LRRC7: variants seen among roughly 807,000 people sequenced by gnomAD.
LRRC7 encodes the protein leucine-rich repeat-containing protein 7.
LRRC7 carries 23 observed loss-of-function variants against 175.7 expected under a neutral mutation model. The observed-to-expected ratio is 0.13, with a 90% CI of 0.09 to 0.19. LRRC7 has a LOEUF of 0.19. Among genes scored for constraint, LRRC7 ranks in the 10% least tolerant of loss-of-function variants. The probability of loss-of-function intolerance (pLI) is 1.00; values close to 1 mark genes in which losing one functional copy is unlikely to be tolerated. For synonymous variants in LRRC7, 685 were observed against 680.9 expected, an observed-to-expected ratio of 1.01 and a Z score of -0.09; for missense variants, 1,354 against 1,904.7, an observed-to-expected ratio of 0.71 and a Z score of 5.38.
At chr1:69,574,222 A>T (rs1749459) in intron 1 of LRRC7, among the ~76,000 whole-genome samples, 22,890 of 152,078 alleles carry the variant, frequency 0.15, 1,907 homozygotes, top group Admixed American at 0.19. Flanking sequence ...GAGGTAGCTG[A>T]CCTTAAAACA....
chr1:69,678,261 A>C (rs1253221078), intron 1 of LRRC7, 120 bp from the exon 2 acceptor site: 4 of 676,980 alleles, frequency 5.9e-6, no homozygotes, highest in Non-Finnish European at 1.0e-5. Flanking sequence ...TCCTTGCCGG[A>C]TCATCTTCAT....
intron 2 of LRRC7, among the ~76,000 whole-genome samples, chr1:69,711,830 G>A (rs78259759): frequency 0.029 from 4,440 of 152,228 alleles, 85 homozygotes; most frequent in South Asian, 0.057. Flanking sequence ...ACTTTTAACC[G>A]TACTTTCCAC....
intron 7 of LRRC7, among the ~76,000 whole-genome samples, chr1:69,925,714 C>T (rs949696959): frequency 1.3e-4 from 20 of 152,150 alleles, no homozygotes; most frequent in African/African-American, 2.4e-4. Flanking sequence ...GTCTTGCTAG[C>T]GGTCTATCAA....
At chr1:69,603,361 C>A (rs1035342081) in intron 1 of LRRC7, among the ~76,000 whole-genome samples, 1 of 152,154 alleles carries the variant, frequency 6.6e-6, no homozygotes, top group Admixed American at 6.6e-5. Context: ...ATCCTGGTGA[C>A]ATTTGGTAAT....
intron 7 of LRRC7, among the ~76,000 whole-genome samples, chr1:69,929,401 T>G (rs1333737075): frequency 6.6e-6 from 1 of 152,198 alleles, no homozygotes; most frequent in Non-Finnish European, 1.5e-5. Context: ...CCACTTGGTC[T>G]TCCTCATCAG....
At chr1:70,066,363 A>G (rs1393047022) in intron 23 of LRRC7, among the ~76,000 whole-genome samples, 4 of 152,046 alleles carry the variant, frequency 2.6e-5, no homozygotes, top group African/African-American at 9.7e-5. Context: ...ATTTGACTCC[A>G]AAGACTATGT....
intron 1 of LRRC7, among the ~76,000 whole-genome samples, chr1:69,678,062 AATCAC>A (rs1660017508): frequency 6.6e-6 from 1 of 152,086 alleles, no homozygotes; most frequent in Non-Finnish European, 1.5e-5. Flanking sequence ...CCTACCTTCA[AATCAC>A]ACTGGGGGCT....
At chr1:69,692,821 CTA>C (rs1265194031) in intron 2 of LRRC7, among the ~76,000 whole-genome samples, 8 of 152,058 alleles carry the variant, frequency 5.3e-5, no homozygotes, top group African/African-American at 1.9e-4. Context: ...CCAGGTGTGT[CTA>C]TGCGAATGTT....
intron 1 of LRRC7, among the ~76,000 whole-genome samples, chr1:69,652,797 C>A (rs968790182): frequency 2.0e-5 from 3 of 151,852 alleles, no homozygotes; most frequent in Non-Finnish European, 4.4e-5. Context: ...GACATATAGA[C>A]CAATGGAACA....
intron 1 of LRRC7, among the ~76,000 whole-genome samples, chr1:69,639,807 G>T (rs575954891): frequency 6.6e-6 from 1 of 151,634 alleles, no homozygotes; most frequent in East Asian, 1.9e-4. Context: ...ACCTACAAAT[G>T]CAAAAACCAA....
intron 3 of LRRC7, among the ~76,000 whole-genome samples, chr1:69,766,627 T>C (rs1443291923): frequency 6.6e-6 from 1 of 152,178 alleles, no homozygotes; most frequent in Non-Finnish European, 1.5e-5. Flanking sequence ...GTGTCTTCAT[T>C]TGATGCTGCT....
intron 3 of LRRC7, among the ~76,000 whole-genome samples, chr1:69,781,924 G>GAAAAAGAA (rs1553155325): frequency 1.4e-5 from 2 of 139,352 alleles, no homozygotes; most frequent in African/African-American, 5.7e-5. Flanking sequence ...AAGAAAGAAA[G>GAAAAAGAA]AAAGAAAGAA....
intron 8 of LRRC7, among the ~76,000 whole-genome samples, chr1:69,940,526 T>C (rs1648603026): frequency 6.6e-6 from 1 of 152,028 alleles, no homozygotes; most frequent in Admixed American, 6.6e-5. Context: ...GAAGGGGGAA[T>C]AATGTGTAAA....
At chr1:69,647,764 A>G (rs929001861) in intron 1 of LRRC7, among the ~76,000 whole-genome samples, 1 of 152,090 alleles carries the variant, frequency 6.6e-6, no homozygotes, top group Non-Finnish European at 1.5e-5. Context: ...ATGTTTCTTA[A>G]TATTTCTCTC....
At chr1:69,740,700 G>A (rs1668616979) in intron 2 of LRRC7, among the ~76,000 whole-genome samples, 1 of 152,070 alleles carries the variant, frequency 6.6e-6, no homozygotes, top group South Asian at 2.1e-4. Context: ...TCAGCGATTG[G>A]CACAGGTGTG....
intron 7 of LRRC7, among the ~76,000 whole-genome samples, chr1:69,905,334 GC>G (rs771531153): frequency 1.6e-3 from 240 of 151,988 alleles, no homozygotes; most frequent in Middle Eastern, 3.4e-3. Context: ...GTATACATGT[GC>G]CATGTTGGTG....
Position 70,013,000 on chromosome 1 carries a change from C to A in LRRC7, c.1161C>A (p.Val387=). Residue 387 remains valine, a synonymous_variant, in exon 13 of 27, where the codon GTC becomes GTA. Transcript: ENST00000651989. ...TTGGAAGTTGTAAGAATGTAACAGT[C>A]ATGTCTCTACGCTCCAACAAATTAG... ...REIGSCKNVT[V]MSLRSNKLEF... 6.4e-7 allele frequency: 1 copy of A among 1,571,048 alleles called. No homozygotes were observed. The highest frequency in any genetic ancestry group is 8.6e-7 in the Non-Finnish European group (1 of 1,158,104).
intron 3 of LRRC7, among the ~76,000 whole-genome samples, chr1:69,770,140 T>C (rs1672066529): frequency 6.6e-6 from 1 of 152,278 alleles, no homozygotes; most frequent in African/African-American, 2.4e-5. Context: ...AAGATTCAAA[T>C]TCCTGCTGCC....
intron 2 of LRRC7, among the ~76,000 whole-genome samples, chr1:69,732,224 A>C (rs1612509): frequency 6.6e-6 from 1 of 151,972 alleles, no homozygotes; most frequent in South Asian, 2.1e-4. Context: ...AAAAAGCTAA[A>C]TATTTTTTTA....
Sources: allele counts gnomAD v4.1 joint callset (sites outside exome capture counted in the v4.1 genomes callset), GRCh38; gene constraint gnomAD v4.1.1; transcripts MANE v1.5; gene names NCBI Gene and HGNC (gene_info 2026-07-23, HGNC 2026-07-21).